The following PXYLP1 variants were observed in gnomAD, a reference collection of about 807,000 sequenced individuals.
The protein encoded by PXYLP1 is 2-phosphoxylose phosphatase 1.
Under a neutral mutation model 37.9 loss-of-function variants are expected in PXYLP1, and 17 were observed. That is an observed-to-expected ratio of 0.45 (90% CI 0.31 to 0.67). The LOEUF (loss-of-function observed/expected upper bound fraction) is 0.67, where lower values mean the gene tolerates loss of function less well. Ranked by LOEUF, PXYLP1 falls within the 30% of genes least tolerant of loss-of-function variation. The probability of loss-of-function intolerance (pLI) is 0.07; values close to 1 mark genes in which losing one functional copy is unlikely to be tolerated. For synonymous variants in PXYLP1, 221 were observed against 232.2 expected, an observed-to-expected ratio of 0.95 and a Z score of 0.44; for missense variants, 511 against 612.0, an observed-to-expected ratio of 0.84 and a Z score of 1.74.
intron 5 of PXYLP1, among the ~76,000 whole-genome samples, chr3:141,287,967 A>G (rs528694882): frequency 1.3e-5 from 2 of 152,366 alleles, no homozygotes; most frequent in East Asian, 3.9e-4. Context: ...TATTTCTAAC[A>G]AAACTTCTAA....
At chr3:141,249,979 G>GTT (rs1941105051) in intron 1 of PXYLP1, among the ~76,000 whole-genome samples, 1 of 152,070 alleles carries the variant, frequency 6.6e-6, no homozygotes, top group African/African-American at 2.4e-5. Context: ...AAATCTCAAA[G>GTT]GAGAGAGTGG....
chr3:141,281,262 TC>T (rs900868013), intron 4 of PXYLP1, among the ~76,000 whole-genome samples: 17 of 152,254 alleles, frequency 1.1e-4, no homozygotes, highest in Non-Finnish European at 2.9e-5. Context: ...CCTGTGATGG[TC>T]CGGGGACAGA....
At chr3:141,278,628 G>A in intron 3 of PXYLP1, 128 bp downstream of exon 3, 1 of 1,215,712 alleles carries the variant, frequency 8.2e-7, no homozygotes, top group Non-Finnish European at 1.2e-6. Flanking sequence ...CTGTGCCCTT[G>A]AATGAGTTCC....
chr3:141,273,364 G>A lies in PXYLP1; in HGVS notation c.80-4978G>A, dbSNP rs555925926. 4.9e-5 allele frequency: 48 copies of A among 985,408 alleles called. No individual in the cohort carries two copies. In the African/African-American group the frequency reaches 8.0e-4, roughly 16 times the overall value. The allele number at this position is 985,408 out of a possible 1,614,324, so 61.0% of individuals were successfully genotyped here. A position where few individuals can be genotyped will look rare whatever the true frequency, so the allele number is the denominator to read the frequency against. ...GCCTCTGCCTAAGGTCTACTGTCTGGCTGATGGTTACTCTTCCTAGGTTGA... is the reference window on the plus strand; with the variant it reads ...GCCTCTGCCTAAGGTCTACTGTCTGACTGATGGTTACTCTTCCTAGGTTGA... On this transcript the variant is annotated intron_variant, in intron 2 of 5. Coordinates refer to ENST00000286353, the MANE Select transcript of PXYLP1 (RefSeq NM_001037172.3).
chr3:141,258,523 A>G (rs747880352), intron 1 of PXYLP1: 6 of 152,926 alleles, frequency 3.9e-5, no homozygotes, highest in Non-Finnish European at 4.4e-5. Flanking sequence ...CAAGAAGCAT[A>G]TTCAAGAAAG....
At chr3:141,279,245 A>G in intron 3 of PXYLP1, 133 bp from the exon 4 acceptor site, 1 of 1,134,594 alleles carries the variant, frequency 8.8e-7, no homozygotes, top group Non-Finnish European at 1.3e-6. Context: ...GTGGCTCTGC[A>G]AACCCACGGT....
Position 141,292,860 on chromosome 3 carries a change from C to T in PXYLP1, c.1098C>T (p.Gly366=). The T allele has an allele frequency of 6.2e-7, 1 of 1,614,180 alleles. No homozygotes were observed. The highest frequency in any genetic ancestry group is 8.5e-7 in the Non-Finnish European group (1 of 1,180,030). ...GCCGGATGCAGCGTGCCACCGAGGG[C>T]AGGAAAGAAGAGCTCTTTGCCCTCT... ...TIGRMQRATE[G]RKEELFALYS... The change falls in exon 6 of 6, where the codon GGC becomes GGT. Residue 366 remains glycine, a synonymous_variant. Transcript: ENST00000286353. This position sits in a 1 kb window ranked among gnomAD's most constrained non-coding sequence, Gnocchi z 4.3.
chr3:141,291,065 G>T lies in PXYLP1; in HGVS notation c.506-1203G>T, dbSNP rs77260581. Reference sequence around the variant, plus strand: ...GAGTTCTGTTCTCAATACTCTTCATGCACAGTAGGACCCAGACATCCTTTG... The same window carrying T: ...GAGTTCTGTTCTCAATACTCTTCATTCACAGTAGGACCCAGACATCCTTTG... On this transcript the variant is annotated intron_variant, in intron 5 of 5. Transcript: ENST00000286353. Among the ~76,000 whole-genome samples the T allele has an allele frequency of 3.1e-3, 479 of 152,252 alleles. 4 individuals are homozygous for T. The highest frequency in any genetic ancestry group is 0.011 in the African/African-American group (451 of 41,534).
intron 4 of PXYLP1, among the ~76,000 whole-genome samples, chr3:141,281,443 C>T (rs1429121027): frequency 2.6e-5 from 4 of 152,186 alleles, no homozygotes; most frequent in African/African-American, 9.7e-5. Context: ...CCTCTGCCCT[C>T]AGGGAGCTCA....
intron 1 of PXYLP1, among the ~76,000 whole-genome samples, chr3:141,243,884 C>G (rs191493947): frequency 3.9e-5 from 6 of 152,252 alleles, no homozygotes; most frequent in African/African-American, 7.2e-5. Flanking sequence ...TTGTGAGATA[C>G]TGCTTAACTG....
intron 1 of PXYLP1, among the ~76,000 whole-genome samples, chr3:141,250,673 G>A (rs766228027): frequency 3.3e-5 from 5 of 152,246 alleles, no homozygotes; most frequent in Admixed American, 6.5e-5. Flanking sequence ...CCATGGCTGA[G>A]TATGGCTGTG....
In PXYLP1 at chr3:141,292,522, C is replaced by T. The variant is rs371294897; in HGVS notation, c.760C>T (p.Leu254=). 3.7e-6 allele frequency: 6 copies of T among 1,614,090 alleles called. No individual in the cohort carries two copies. The highest frequency in any genetic ancestry group is 3.3e-5 in the Admixed American group (2 of 60,006). The change falls in exon 6 of 6, where the codon CTG becomes TTG. Residue 254 remains leucine, a synonymous_variant. Coordinates refer to ENST00000286353, the MANE Select transcript of PXYLP1 (RefSeq NM_001037172.3). This position sits in a 1 kb window ranked among gnomAD's most constrained non-coding sequence, Gnocchi z 4.3. The part of the protein sequence containing the change: ...SCYCPVRNQY[L]EKEQRRQYLL... ...CTATTGCCCGGTAAGAAACCAGTAT[C>T]TGGAAAAGGAGCAGCGTCGTCAGTA...
chr3:141,273,504 G>T, intron 2 of PXYLP1: 1 of 985,526 alleles, frequency 1.0e-6, no homozygotes, highest in South Asian at 4.7e-5. Context: ...TTCGGGAGAT[G>T]GGGTGGGGAA....
chr3:141,244,435 A>G (rs1940887960), intron 1 of PXYLP1, among the ~76,000 whole-genome samples: 1 of 151,966 alleles, frequency 6.6e-6, no homozygotes, highest in African/African-American at 2.4e-5. Flanking sequence ...TAAATATTGG[A>G]AAGTTCTTCC....
intron 1 of PXYLP1, among the ~76,000 whole-genome samples, chr3:141,254,319 A>ATCCTGTG (rs890017978): frequency 2.0e-5 from 3 of 152,312 alleles, no homozygotes; most frequent in South Asian, 2.1e-4. Context: ...TGTGTCCTGT[A>ATCCTGTG]TCCTGTGTCC....
Position 141,293,252 on chromosome 3 carries a change from A to G in PXYLP1, c.*47A>G, listed in dbSNP as rs758739360. ...TAGAATCCATGCCAATACAGAGCAT[A>G]GGGAAAGGTCCACTTCTAGTTTTGT... is the stretch of plus-strand genomic sequence containing the variant. On this transcript the variant is annotated 3_prime_UTR_variant, in exon 6 of 6. Transcript: ENST00000286353. 6.5e-7 allele frequency: 1 copy of G among 1,530,178 alleles called. No individual in the cohort carries two copies. Among genetic ancestry groups the G allele is most frequent in the South Asian group, 1.3e-5 (1 of 79,784 alleles). 94.8% of individuals were successfully genotyped at this position (1,530,178 alleles called of 1,614,324 possible). A position where few individuals can be genotyped will look rare whatever the true frequency, so the allele number is the denominator to read the frequency against.
At position 141,293,400 on chromosome 3, in the gene PXYLP1, A is replaced by G; in HGVS notation, c.*195A>G. 3 of 611,040 alleles carry G rather than the reference A, an allele frequency of 4.9e-6. No homozygotes were observed. The highest frequency in any genetic ancestry group is 8.5e-6 in the Non-Finnish European group (3 of 354,484). 37.9% of individuals were successfully genotyped at this position (611,040 alleles called of 1,614,324 possible). ...ATGTGGTACGTGAATTGCTTGGTAC[A>G]AAATGGCCAGTTCACAGAGGAATAG... On this transcript the variant is annotated 3_prime_UTR_variant, in exon 6 of 6. Transcript: ENST00000286353.
chr3:141,248,899 A>AGT lies in PXYLP1; in HGVS notation c.-53-11203_-53-11202dup, dbSNP rs59309377. The stretch of plus-strand genomic sequence containing the variant: ...TATATATGGAGAGAGAGACAGAGTG[A>AGT]GTGTGTGTGTGTGTGTGTGTGTTTT... On this transcript the variant is annotated intron_variant, in intron 1 of 5. Coordinates refer to ENST00000286353, the MANE Select transcript of PXYLP1 (RefSeq NM_001037172.3). 7.7e-3 allele frequency among the ~76,000 whole-genome samples: 766 copies of AGT among 99,796 alleles called. 99 individuals carry two copies. Among genetic ancestry groups the AGT allele is most frequent in the Non-Finnish European group, 9.3e-3 (459 of 49,318 alleles). 65.5% of individuals were successfully genotyped at this position (99,796 alleles called of 152,430 possible). A position where few individuals can be genotyped will look rare whatever the true frequency, so the allele number is the denominator to read the frequency against.
At chr3:141,284,608 T>C (rs1223434936) in intron 4 of PXYLP1, among the ~76,000 whole-genome samples, 2 of 152,192 alleles carry the variant, frequency 1.3e-5, no homozygotes, top group African/African-American at 4.8e-5. Context: ...TTATGTAAAA[T>C]GGTGTTGTAT....
Sources: gnomAD v4.1 joint callset for allele counts (sites outside exome capture counted in the v4.1 genomes callset) on GRCh38, gnomAD v4.1.1 for gene constraint, Gnocchi (gnomAD v3.1) non-coding constraint, MANE v1.5 for transcripts, NCBI Gene and HGNC (gene_info 2026-07-23, HGNC 2026-07-21) for gene names.